CACNA2D3: variants seen among roughly 807,000 people sequenced by gnomAD.
The protein encoded by CACNA2D3 is voltage-dependent calcium channel subunit alpha-2/delta-3.
In CACNA2D3, 60 loss-of-function variants were observed where a neutral mutation model predicts 160.6. The observed-to-expected ratio is 0.37, with a 90% CI of 0.30 to 0.46. The LOEUF (loss-of-function observed/expected upper bound fraction) is 0.46. CACNA2D3 is among the 20% of genes least tolerant of loss of function. The pLI is 1.00. For missense variants in CACNA2D3, 1,205 were observed against 1,365.0 expected (o/e 0.88, Z 1.85); for synonymous variants, 558 against 492.9 (o/e 1.13, Z -1.75).
chr3:54,839,511 A>G (rs1253940702), intron 16 of CACNA2D3, among the ~76,000 whole-genome samples: 2 of 152,160 alleles, frequency 1.3e-5, no homozygotes, highest in Non-Finnish European at 2.9e-5. Flanking sequence ...CTGGCTGCAC[A>G]GGGGCGAACA....
rs544289012 is a variant in CACNA2D3 at position 54,213,789 on chromosome 3, TA to T, written c.204+90200del. ...ATGCAGAACAACAGGAAGATGGAAA[TA>T]AAAATGAATCAAATGAGGGAGATTA... is the stretch of plus-strand genomic sequence containing the variant. On this transcript the variant is annotated intron_variant, in intron 2 of 37. Transcript: ENST00000474759. Among the ~76,000 whole-genome samples, 754 of 152,294 alleles carry T rather than the reference TA, an allele frequency of 5.0e-3. 9 individuals carry two copies. Among genetic ancestry groups the T allele is most frequent in the African/African-American group, 0.017 (689 of 41,570 alleles).
intron 4 of CACNA2D3, among the ~76,000 whole-genome samples, chr3:54,499,054 G>C (rs1251867404): frequency 6.6e-6 from 1 of 152,036 alleles, no homozygotes; most frequent in Admixed American, 6.6e-5. Context: ...ATCTAGAAAA[G>C]AATGTGTGCT....
chr3:54,823,529 A>G (rs1387160487), intron 14 of CACNA2D3, among the ~76,000 whole-genome samples: 1 of 152,172 alleles, frequency 6.6e-6, no homozygotes, highest in African/African-American at 2.4e-5. Flanking sequence ...TAAATTGGTC[A>G]GTGACTTGCA....
chr3:54,802,189 C>A (rs1014762289), intron 13 of CACNA2D3, among the ~76,000 whole-genome samples: 14 of 152,130 alleles, frequency 9.2e-5, no homozygotes, highest in African/African-American at 3.4e-4. Context: ...AGAGGTCACT[C>A]AATTAGGGAT....
intron 27 of CACNA2D3, among the ~76,000 whole-genome samples, chr3:54,964,845 G>A (rs1294758492): frequency 2.0e-5 from 3 of 150,018 alleles, no homozygotes; most frequent in African/African-American, 4.9e-5. Context: ...CTTGTTTTTT[G>A]CACTTTAAAT....
chr3:54,236,235 C>A (rs748663856), intron 2 of CACNA2D3, among the ~76,000 whole-genome samples: 5 of 152,094 alleles, frequency 3.3e-5, no homozygotes, highest in Non-Finnish European at 5.9e-5. Context: ...AATGTGATAT[C>A]CTAGATGTGA....
chr3:55,004,832 C>T lies in CACNA2D3; in HGVS notation c.2760C>T (p.Leu920=). 1.2e-6 allele frequency: 2 copies of T among 1,612,262 alleles called. No individual in the cohort carries two copies. Among genetic ancestry groups the T allele is most frequent in the Non-Finnish European group, 1.7e-6 (2 of 1,178,374 alleles). The change falls in exon 32 of 38, where the codon CTC becomes CTT. Residue 920 remains leucine (L), a synonymous_variant. Transcript: ENST00000474759. ...NKESSDGAHG[L]LDPYNAFLSA... is the part of the protein sequence containing the mutation. The stretch of plus-strand genomic sequence containing the variant: ...AAAGCAGCGATGGCGCCCATGGCCT[C>T]CTGGATGTAAGTACTATGCTGTCAC...
intron 4 of CACNA2D3, among the ~76,000 whole-genome samples, chr3:54,435,614 T>C (rs1339773868): frequency 6.6e-6 from 1 of 152,170 alleles, no homozygotes; most frequent in Non-Finnish European, 1.5e-5. Context: ...GGGGAATGCC[T>C]GCAAAATGAA....
chr3:54,310,004 T>C (rs1207418775), intron 2 of CACNA2D3, among the ~76,000 whole-genome samples: 1 of 152,004 alleles, frequency 6.6e-6, no homozygotes, highest in African/African-American at 2.4e-5. Flanking sequence ...CAGATTCAAA[T>C]AGTCTCTTGT....
At chr3:54,521,492 G>A (rs767587207) in intron 5 of CACNA2D3, among the ~76,000 whole-genome samples, 73 of 152,248 alleles carry the variant, frequency 4.8e-4, no homozygotes, top group Non-Finnish European at 9.1e-4. Context: ...GATTCTGTGA[G>A]TTGTCTTTTT....
In CACNA2D3 at chr3:54,221,270, G is replaced by C. The variant is rs1034716788; in HGVS notation, c.204+97676G>C. On this transcript the variant is annotated intron_variant, in intron 2 of 37. Transcript: ENST00000474759. ...TAAAACGTTCAAATGTTAGTGGTGA[G>C]AGGGTGGGATCGTGGGAATGGTACC... 2.4e-4 allele frequency among the ~76,000 whole-genome samples: 36 copies of C among 152,244 alleles called. 1 individual carries two copies. Among genetic ancestry groups the C allele is most frequent in the South Asian group, 2.1e-4 (1 of 4,830 alleles).
intron 5 of CACNA2D3, among the ~76,000 whole-genome samples, chr3:54,531,126 G>A (rs1320985919): frequency 6.6e-6 from 1 of 152,268 alleles, no homozygotes; most frequent in Non-Finnish European, 1.5e-5. Flanking sequence ...TTGTGTGCTG[G>A]TCGAGGATGG....
At chr3:54,660,150 T>C (rs1025324294) in intron 11 of CACNA2D3, among the ~76,000 whole-genome samples, 31 of 151,600 alleles carry the variant, frequency 2.0e-4, no homozygotes, top group Non-Finnish European at 1.5e-5. Flanking sequence ...TTTCTTTTTT[T>C]TTTTTTCTTT....
chr3:54,203,925 C>T (rs915853852), intron 2 of CACNA2D3, among the ~76,000 whole-genome samples: 1 of 151,812 alleles, frequency 6.6e-6, no homozygotes, highest in Non-Finnish European at 1.5e-5. Flanking sequence ...CATTTGGGCG[C>T]GAAAGCAAGA....
chr3:54,301,266 A>AAAC (rs57134946), intron 2 of CACNA2D3, among the ~76,000 whole-genome samples: 18,682 of 150,318 alleles, frequency 0.12, 1,252 homozygotes, highest in East Asian at 0.23. Flanking sequence ...CAAAACAAAC[A>AAAC]AACAACAACA....
At chr3:54,721,174 A>G (rs898812183) in intron 11 of CACNA2D3, among the ~76,000 whole-genome samples, 8 of 152,154 alleles carry the variant, frequency 5.3e-5, no homozygotes, top group Non-Finnish European at 1.2e-4. Flanking sequence ...TATAATGTAC[A>G]TACCTTAGAA....
At chr3:54,738,474 C>G (rs1559564571) in intron 11 of CACNA2D3, among the ~76,000 whole-genome samples, 1 of 152,188 alleles carries the variant, frequency 6.6e-6, no homozygotes, top group Non-Finnish European at 1.5e-5. Context: ...TATCTTTCTC[C>G]TCTCTTGATT....
At chr3:54,752,912 G>GT (rs1387567704) in intron 12 of CACNA2D3, among the ~76,000 whole-genome samples, 4 of 148,898 alleles carry the variant, frequency 2.7e-5, no homozygotes, top group Non-Finnish European at 4.4e-5. Context: ...CCAGGCTGGA[G>GT]TGCAGTAACG....
chr3:55,018,413 C>A, intron 35 of CACNA2D3, 96 bp downstream of exon 35: 2 of 706,594 alleles, frequency 2.8e-6, no homozygotes, highest in South Asian at 1.6e-5. Flanking sequence ...ACAGTTACAC[C>A]AATAGAAAAC....
Sources: gnomAD v4.1 joint callset for allele counts (sites outside exome capture counted in the v4.1 genomes callset) on GRCh38, gnomAD v4.1.1 for gene constraint, MANE v1.5 for transcripts, NCBI Gene and HGNC (gene_info 2026-07-23, HGNC 2026-07-21) for gene names.